Variants in DNM3 observed in about 807,000 individuals in gnomAD.
DNM3 encodes the protein dynamin 3.
Under a neutral mutation model 101.6 loss-of-function variants are expected in DNM3, and 47 were observed. The observed-to-expected ratio is 0.46, with a 90% CI of 0.37 to 0.59. DNM3 has a LOEUF of 0.59. Ranked by LOEUF, DNM3 falls within the 20% of genes least tolerant of loss-of-function variation. The pLI, the probability that DNM3 is intolerant of heterozygous loss-of-function variation, is 0.00. For synonymous variants in DNM3, 385 were observed against 387.9 expected (o/e 0.99, Z 0.09); for missense variants, 849 against 1,085.7 (o/e 0.78, Z 3.06).
intron 13 of DNM3, among the ~76,000 whole-genome samples, chr1:172,113,558 T>G (rs2055650364): frequency 7.3e-6 from 1 of 136,732 alleles, no homozygotes; most frequent in African/African-American, 2.8e-5. Context: ...GGGCGGAGGT[T>G]GCGGTGAGCT....
At chr1:172,367,002 C>T (rs2068054224) in intron 17 of DNM3, among the ~76,000 whole-genome samples, 1 of 151,594 alleles carries the variant, frequency 6.6e-6, no homozygotes, top group African/African-American at 2.4e-5. Context: ...ATCCAGGAAA[C>T]TCAAAACCCC....
chr1:171,921,143 T>C (rs1310654002), intron 1 of DNM3, among the ~76,000 whole-genome samples: 3 of 151,844 alleles, frequency 2.0e-5, no homozygotes. Flanking sequence ...CGCTGGGTTT[T>C]TGCTATGTTG....
chr1:172,197,566 G>T (rs763739671), intron 14 of DNM3, among the ~76,000 whole-genome samples: 1 of 151,952 alleles, frequency 6.6e-6, no homozygotes, highest in Non-Finnish European at 1.5e-5. Context: ...CCATTTGTTT[G>T]TGTCTTCTCT....
At chr1:171,976,153 T>G (rs1172926538) in intron 2 of DNM3, among the ~76,000 whole-genome samples, 3 of 152,212 alleles carry the variant, frequency 2.0e-5, no homozygotes, top group Non-Finnish European at 4.4e-5. Flanking sequence ...CAACAAAGGT[T>G]ACTGGAAAAA....
intron 14 of DNM3, among the ~76,000 whole-genome samples, chr1:172,163,481 G>A (rs903125129): frequency 1.3e-5 from 2 of 151,878 alleles, no homozygotes; most frequent in Admixed American, 1.3e-4. Context: ...CTCGTGATCT[G>A]CCCCCCTTGG....
intron 10 of DNM3, among the ~76,000 whole-genome samples, chr1:172,057,988 G>A (rs944601231): frequency 1.4e-5 from 2 of 142,842 alleles, no homozygotes; most frequent in Non-Finnish European, 3.0e-5. Flanking sequence ...CAACATGAAA[G>A]GATGGAGGAA....
At chr1:171,915,204 G>T (rs1393828798) in intron 1 of DNM3, among the ~76,000 whole-genome samples, 1 of 152,180 alleles carries the variant, frequency 6.6e-6, no homozygotes, top group African/African-American at 2.4e-5. Flanking sequence ...TTCACTTGGA[G>T]AATGTTCAGA....
chr1:172,104,000 CA>C (rs914340900), intron 13 of DNM3, among the ~76,000 whole-genome samples: 9 of 151,306 alleles, frequency 5.9e-5, no homozygotes, highest in Middle Eastern at 3.5e-3. Context: ...GACTCCGTCT[CA>C]AAAAAAAAGT....
chr1:172,152,470 A>T (rs2058172800), intron 14 of DNM3, among the ~76,000 whole-genome samples: 3 of 152,158 alleles, frequency 2.0e-5, no homozygotes, highest in African/African-American at 7.2e-5. Flanking sequence ...TCTTCAGATC[A>T]TAAAATAATT....
chr1:172,230,321 C>T (rs954301985), intron 14 of DNM3, among the ~76,000 whole-genome samples: 1 of 152,176 alleles, frequency 6.6e-6, no homozygotes, highest in Non-Finnish European at 1.5e-5. Flanking sequence ...CTGTCTTCCT[C>T]ATCTCAGCAT....
At chr1:172,179,981 G>A (rs1443405107) in intron 14 of DNM3, among the ~76,000 whole-genome samples, 2 of 151,930 alleles carry the variant, frequency 1.3e-5, no homozygotes, top group Non-Finnish European at 2.9e-5. Flanking sequence ...AAGCCTAATT[G>A]TATCTGTAAA....
At chr1:172,240,487 G>A (rs1045764295) in intron 14 of DNM3, among the ~76,000 whole-genome samples, 1 of 152,166 alleles carries the variant, frequency 6.6e-6, no homozygotes. Flanking sequence ...TCTCAGAGAA[G>A]TAAAAATCAT....
intron 17 of DNM3, among the ~76,000 whole-genome samples, chr1:172,362,687 A>G (rs1291494785): frequency 6.6e-6 from 1 of 151,792 alleles, no homozygotes; most frequent in East Asian, 1.9e-4. Context: ...TTTTCTGCCA[A>G]ACTTTCACAG....
intron 1 of DNM3, among the ~76,000 whole-genome samples, chr1:171,882,769 C>A (rs1027120332): frequency 1.3e-5 from 2 of 151,760 alleles, no homozygotes; most frequent in African/African-American, 4.8e-5. Flanking sequence ...TTTTATAGAC[C>A]AATCCTTTAT....
chr1:172,163,036 T>C (rs932641637), intron 14 of DNM3, among the ~76,000 whole-genome samples: 3 of 152,086 alleles, frequency 2.0e-5, no homozygotes, highest in Admixed American at 6.6e-5. Flanking sequence ...TACTGAAGTA[T>C]ACTTGACAAA....
intron 17 of DNM3, among the ~76,000 whole-genome samples, chr1:172,364,443 AG>A (rs917101672): frequency 6.6e-6 from 1 of 151,888 alleles, no homozygotes; most frequent in African/African-American, 2.4e-5. Context: ...AGGAAATACA[AG>A]GAGTGGAAGA....
intron 13 of DNM3, among the ~76,000 whole-genome samples, chr1:172,107,470 G>A (rs1158270482): frequency 6.6e-6 from 1 of 152,050 alleles, no homozygotes; most frequent in Non-Finnish European, 1.5e-5. Context: ...GGCTGAGACT[G>A]CTGCACAGGG....
At chr1:172,217,162 A>G (rs756629347) in intron 14 of DNM3, among the ~76,000 whole-genome samples, 21 of 151,972 alleles carry the variant, frequency 1.4e-4, no homozygotes, top group Non-Finnish European at 5.9e-5. Context: ...AGATGCTCTC[A>G]CCTTCTTCAG....
At chr1:171,899,612 A>T (rs960269653) in intron 1 of DNM3, among the ~76,000 whole-genome samples, 1 of 152,208 alleles carries the variant, frequency 6.6e-6, no homozygotes, top group Non-Finnish European at 1.5e-5. Context: ...GGGTGGCAGG[A>T]AACACAGAAA....
Sources: gnomAD v4.1 joint callset for allele counts (sites outside exome capture counted in the v4.1 genomes callset) on GRCh38, gnomAD v4.1.1 for gene constraint, MANE v1.5 for transcripts, NCBI Gene and HGNC (gene_info 2026-07-23, HGNC 2026-07-21) for gene names.